ZNF564: variants seen among roughly 807,000 people sequenced by gnomAD.
ZNF564 encodes the protein zinc finger protein 564.
In ZNF564, 5 loss-of-function variants were observed where a neutral mutation model predicts 10.5. The observed-to-expected ratio is 0.48, with a 90% confidence interval of 0.25 to 1.00. ZNF564 has a LOEUF of 1.00. Among genes scored for constraint, ZNF564 ranks in the 50% least tolerant of loss-of-function variants. The pLI is 0.16. For synonymous variants in ZNF564, 242 were observed against 218.1 expected, an observed-to-expected ratio of 1.11 and a Z score of -0.97; for missense variants, 603 against 669.7, an observed-to-expected ratio of 0.90 and a Z score of 1.10.
chr19:12,547,978 ATTTTGTAT>A (rs1046807030), intron 1 of ZNF564, among the ~76,000 whole-genome samples: 8 of 150,494 alleles, frequency 5.3e-5, no homozygotes, highest in Non-Finnish European at 1.0e-4. Flanking sequence ...TGCCCGGCTA[ATTTTGTAT>A]TTTTAGTAGA....
In ZNF564 at chr19:12,525,686, G is replaced by T. The variant is rs1369192897; in HGVS notation, c.*760C>A. 1 of 152,014 alleles carries T rather than the reference G, an allele frequency of 6.6e-6. No individual in the cohort carries two copies. Among genetic ancestry groups the T allele is most frequent in the African/African-American group, 2.4e-5 (1 of 41,378 alleles). 9.4% of individuals were successfully genotyped at this position (152,014 alleles called of 1,614,324 possible). A position where few individuals can be genotyped will look rare whatever the true frequency, so the allele number is the denominator to read the frequency against. On this transcript the variant is annotated 3_prime_UTR_variant, in exon 4 of 4. Coordinates refer to ENST00000339282, the MANE Select transcript of ZNF564 (RefSeq NM_144976.4). Reference sequence around the variant, plus strand: ...TAAAATTGGATTGTGTCTTAGCTTGGGTTGCTAAAACAAAATACCATAAAT... The same window carrying T: ...TAAAATTGGATTGTGTCTTAGCTTGTGTTGCTAAAACAAAATACCATAAAT...
chr19:12,544,107 GT>G (rs2022109817), intron 1 of ZNF564, among the ~76,000 whole-genome samples: 1 of 152,150 alleles, frequency 6.6e-6, no homozygotes, highest in South Asian at 2.1e-4. Context: ...CTATGGCAAT[GT>G]ATTACAGCAT....
At position 12,527,169 on chromosome 19, in the gene ZNF564, T is replaced by C. The variant is rs367753634; in HGVS notation, c.939A>G (p.Val313=). 3 of 1,614,072 alleles carry C rather than the reference T, an allele frequency of 1.9e-6. No individual in the cohort carries two copies. The highest frequency in any genetic ancestry group is 2.5e-6 in the Non-Finnish European group (3 of 1,180,034). The part of the protein sequence containing the change: ...HTGDGPYKCK[V]CGRAFIFPSY... The stretch of plus-strand genomic sequence containing the variant: ...TGGGAAAAATAAAGGCTCTCCCACA[T>C]ACTTTACATTTATAAGGTCCATCCC... The change falls in exon 4 of 4, where the codon GTA becomes GTG. Residue 313 remains valine (V), a synonymous_variant. Transcript: ENST00000339282.
rs753525311 is a variant in ZNF564 at position 12,528,593 on chromosome 19, G to A, written c.107C>T (p.Thr36Ile). 1.5e-5 allele frequency: 25 copies of A among 1,613,690 alleles called. No homozygotes were observed. In the Admixed American group the frequency reaches 1.7e-4, roughly 11 times the overall value. Reference sequence around the variant, plus strand: ...ACCTACACAGGCCAGGTTTCTAAAGGTTTCCCGCATCACATCTCTGTAGAG... The same window carrying A: ...ACCTACACAGGCCAGGTTTCTAAAGATTTCCCGCATCACATCTCTGTAGAG... ...KKLYRDVMRETFRNLACVGKK... is the reference protein window; with the variant it reads ...KKLYRDVMREIFRNLACVGKK... Residue 36 changes from threonine to isoleucine, a missense_variant, in exon 2 of 4, where the codon ACC (threonine) becomes ATC (isoleucine). Coordinates refer to ENST00000339282, the MANE Select transcript of ZNF564 (RefSeq NM_144976.4).
chr19:12,551,246 G>T, intron 1 of ZNF564, 84 bp downstream of exon 1: 1 of 1,471,610 alleles, frequency 6.8e-7, no homozygotes. Context: ...GCTGCAGGGA[G>T]GCCAGGGTGC....
intron 1 of ZNF564, among the ~76,000 whole-genome samples, chr19:12,533,830 CAGAAT>C (rs2021856603): frequency 7.8e-6 from 1 of 127,814 alleles, no homozygotes; most frequent in African/African-American, 3.0e-5. Context: ...GACAGACAGA[CAGAAT>C]AATTGGAGAA....
intron 3 of ZNF564, 113 bp downstream of exon 3, chr19:12,528,191 A>C (rs2021731682): frequency 1.8e-6 from 2 of 1,098,318 alleles, no homozygotes; most frequent in African/African-American, 3.2e-5. Flanking sequence ...CTGGTGAAAA[A>C]GTTGTAGGAA....
At chr19:12,544,504 G>A (rs528205290) in intron 1 of ZNF564, among the ~76,000 whole-genome samples, 6 of 152,154 alleles carry the variant, frequency 3.9e-5, no homozygotes, top group African/African-American at 1.4e-4. Context: ...CCAGTTCTAC[G>A]CCTCCTCCCA....
chr19:12,551,473 A>G lies in ZNF564; in HGVS notation c.-141T>C, dbSNP rs1330600739. 2.8e-6 allele frequency: 4 copies of G among 1,421,244 alleles called. No individual in the cohort carries two copies. In the East Asian group the frequency reaches 1.1e-4, roughly 39 times the overall value. The allele number at this position is 1,421,244 out of a possible 1,614,324, so 88.0% of individuals were successfully genotyped here. ...GGAACCCAAACGCAGCGGACACGAA[A>G]CAGGAAGACCCCGCGGAGTTGTTGA... On this transcript the variant is annotated 5_prime_UTR_variant, in exon 1 of 4. Coordinates refer to ENST00000339282, the MANE Select transcript of ZNF564 (RefSeq NM_144976.4).
At chr19:12,548,210 TTTGTA>T in intron 1 of ZNF564, 1 of 978,876 alleles carries the variant, frequency 1.0e-6, no homozygotes, top group South Asian at 4.7e-5. Flanking sequence ...CTGTAAGACA[TTTGTA>T]TTCTTTTTTT....
chr19:12,540,681 C>T (rs1268928312), intron 1 of ZNF564, among the ~76,000 whole-genome samples: 17 of 152,218 alleles, frequency 1.1e-4, no homozygotes, highest in South Asian at 4.1e-4. Context: ...GATGAAACCC[C>T]GTCTCTACTA....
chr19:12,542,308 C>CAAAAA (rs35733202), intron 1 of ZNF564, among the ~76,000 whole-genome samples: 2 of 63,144 alleles, frequency 3.2e-5, no homozygotes, highest in African/African-American at 6.2e-5. Context: ...GACTCTGTCT[C>CAAAAA]AAAAAAAAAA....
intron 1 of ZNF564, 96 bp from the exon 2 acceptor site, chr19:12,528,792 G>A (rs2021742794): frequency 7.2e-7 from 1 of 1,383,338 alleles, no homozygotes; most frequent in East Asian, 2.4e-5. Flanking sequence ...GGCTAGGTGT[G>A]GTGGCTCATG....
intron 1 of ZNF564, among the ~76,000 whole-genome samples, chr19:12,534,323 C>T (rs763313064): frequency 6.6e-6 from 1 of 152,050 alleles, no homozygotes; most frequent in African/African-American, 2.4e-5. Context: ...CATATGAAAA[C>T]ATGCATATTT....
intron 1 of ZNF564, among the ~76,000 whole-genome samples, chr19:12,537,316 GAACAT>G (rs2021935065): frequency 6.6e-6 from 1 of 152,128 alleles, no homozygotes; most frequent in Non-Finnish European, 1.5e-5. Context: ...GGTATATACT[GAACAT>G]GTACAGACTT....
intron 1 of ZNF564, among the ~76,000 whole-genome samples, chr19:12,547,223 T>C (rs868791912): frequency 6.6e-6 from 1 of 151,542 alleles, no homozygotes; most frequent in South Asian, 2.1e-4. Context: ...ACCACCACAA[T>C]TTTTTTTAAT....
intron 1 of ZNF564, among the ~76,000 whole-genome samples, chr19:12,548,526 T>C (rs2022195337): frequency 1.3e-5 from 2 of 152,026 alleles, no homozygotes; most frequent in South Asian, 4.1e-4. Context: ...ATTTTTTGTA[T>C]TTTTTAGTAG....
rs558306615 is a variant in ZNF564 at position 12,548,926 on chromosome 19, G to A, written c.3+2404C>T. 2.6e-5 allele frequency: 18 copies of A among 699,954 alleles called. No individual in the cohort carries two copies. In the East Asian group the frequency reaches 3.0e-4, roughly 12 times the overall value. 43.4% of individuals were successfully genotyped at this position (699,954 alleles called of 1,614,324 possible). On this transcript the variant is annotated intron_variant, in intron 1 of 3. Coordinates refer to ENST00000339282, the MANE Select transcript of ZNF564 (RefSeq NM_144976.4). The stretch of plus-strand genomic sequence containing the variant: ...CACCAATTAATGTGGAAATGTATTC[G>A]TTTCTCTGTAGCCATAATGGAAGAC...
intron 1 of ZNF564, among the ~76,000 whole-genome samples, chr19:12,539,233 T>C (rs1209456417): frequency 2.2e-5 from 2 of 89,800 alleles, no homozygotes; most frequent in African/African-American, 5.0e-5. Flanking sequence ...AGAACGAGAC[T>C]CCATCTCAAA....
Sources: allele counts gnomAD v4.1 joint callset (sites outside exome capture counted in the v4.1 genomes callset), GRCh38; gene constraint gnomAD v4.1.1; transcripts MANE v1.5; gene names NCBI Gene and HGNC (gene_info 2026-07-23, HGNC 2026-07-21).